MAP2: variants seen among roughly 807,000 people sequenced by gnomAD.
MAP2 encodes the protein microtubule-associated protein 2.
A neutral mutation model predicts 137.6 loss-of-function variants in MAP2; 14 were observed. The observed-to-expected ratio is 0.10, with a 90% CI of 0.07 to 0.16. The LOEUF (loss-of-function observed/expected upper bound fraction) is 0.16, where lower values mean the gene tolerates loss of function less well. Among genes scored for constraint, MAP2 ranks in the 10% least tolerant of loss-of-function variants. MAP2 has a pLI of 1.00. For synonymous variants in MAP2, 786 were observed against 782.3 expected (o/e 1.00, Z -0.08); for missense variants, 2,088 against 2,191.5 (o/e 0.95, Z 0.94).
intron 7 of MAP2, among the ~76,000 whole-genome samples, chr2:209,686,781 T>A (rs1190516715): frequency 6.6e-6 from 1 of 152,110 alleles, no homozygotes. Context: ...AGCATTTCAA[T>A]AAGAAATATG....
chr2:209,568,220 A>C (rs1042866472), intron 2 of MAP2, among the ~76,000 whole-genome samples: 3 of 152,000 alleles, frequency 2.0e-5, no homozygotes, highest in Non-Finnish European at 4.4e-5. Flanking sequence ...ACCCTAGGGT[A>C]CACTGTCCCC....
At chr2:209,553,344 A>G (rs2069681342) in intron 2 of MAP2, among the ~76,000 whole-genome samples, 1 of 152,164 alleles carries the variant, frequency 6.6e-6, no homozygotes, top group Non-Finnish European at 1.5e-5. Context: ...GCAGTATGGT[A>G]CAGCGAGAAG....
intron 5 of MAP2, chr2:209,661,608 C>G (rs772997325): frequency 1.5e-4 from 145 of 985,300 alleles, no homozygotes; most frequent in Non-Finnish European, 1.7e-4. Context: ...TGTTTTCCTT[C>G]TAAAGGTTAG....
chr2:209,599,083 A>G (rs377467593), intron 3 of MAP2, among the ~76,000 whole-genome samples: 2 of 152,014 alleles, frequency 1.3e-5, no homozygotes, highest in East Asian at 1.9e-4. Context: ...AAGTGTTCCT[A>G]TTTCTCCACA....
At chr2:209,613,233 C>T (rs1371415169) in intron 3 of MAP2, among the ~76,000 whole-genome samples, 3 of 148,580 alleles carry the variant, frequency 2.0e-5, no homozygotes, top group South Asian at 2.1e-4. Flanking sequence ...AGTCTCTTAA[C>T]GTGTTTTTTA....
chr2:209,540,097 TAA>T (rs35280709), intron 2 of MAP2, among the ~76,000 whole-genome samples: 43 of 39,528 alleles, frequency 1.1e-3, no homozygotes, highest in African/African-American at 3.2e-3. Context: ...GGAGACGTTG[TAA>T]AAAAAAAAAA....
chr2:209,553,905 G>C (rs1456627596), intron 2 of MAP2, among the ~76,000 whole-genome samples: 1 of 152,152 alleles, frequency 6.6e-6, no homozygotes, highest in East Asian at 1.9e-4. Flanking sequence ...GCGGATTTCT[G>C]TATGTAAATA....
At chr2:209,681,977 A>G (rs1181753395) in intron 7 of MAP2, among the ~76,000 whole-genome samples, 2 of 152,148 alleles carry the variant, frequency 1.3e-5, no homozygotes, top group East Asian at 3.8e-4. Flanking sequence ...GAAATAATAA[A>G]CAAACTAAAT....
Position 209,625,106 on chromosome 2 carries a change from A to G in MAP2, c.-53A>G, listed in dbSNP as rs950045505. 1.3e-5 allele frequency: 2 copies of G among 152,198 alleles called. No individual in the cohort carries two copies. Among genetic ancestry groups the G allele is most frequent in the African/African-American group, 2.4e-5 (1 of 41,454 alleles). The allele number at this position is 152,198 out of a possible 1,614,324, so 9.4% of individuals were successfully genotyped here. ...TTGAGAACACGACACAACGAACTTTATATTTTACCACTTCCTTGAATAGGT... is the reference window on the plus strand; with the variant it reads ...TTGAGAACACGACACAACGAACTTTGTATTTTACCACTTCCTTGAATAGGT... On this transcript the variant is annotated 5_prime_UTR_variant, in exon 4 of 16. Transcript: ENST00000682079.
At chr2:209,460,157 C>CTG (rs1320225874) in intron 1 of MAP2, among the ~76,000 whole-genome samples, 6 of 152,096 alleles carry the variant, frequency 3.9e-5, no homozygotes, top group Non-Finnish European at 8.8e-5. Context: ...TGATATTTCA[C>CTG]TGTGTGTGTG....
At chr2:209,661,869 G>C (rs915010628) in intron 5 of MAP2, among the ~76,000 whole-genome samples, 57 of 152,180 alleles carry the variant, frequency 3.7e-4, no homozygotes, top group Admixed American at 6.5e-5. Flanking sequence ...ATATGAGGTT[G>C]TATATAGCAG....
chr2:209,617,750 G>A (rs1004284350), intron 3 of MAP2, among the ~76,000 whole-genome samples: 1 of 151,904 alleles, frequency 6.6e-6, no homozygotes, highest in African/African-American at 2.4e-5. Context: ...AATCACGTTA[G>A]CAGTAAGGAC....
intron 2 of MAP2, among the ~76,000 whole-genome samples, chr2:209,575,937 G>A (rs2075305910): frequency 6.6e-6 from 1 of 152,170 alleles, no homozygotes; most frequent in South Asian, 2.1e-4. Flanking sequence ...AGTTAGGAAA[G>A]CCCTGGTTGG....
At chr2:209,562,956 T>C (rs1018632214) in intron 2 of MAP2, among the ~76,000 whole-genome samples, 1 of 152,216 alleles carries the variant, frequency 6.6e-6, no homozygotes, top group Non-Finnish European at 1.5e-5. Context: ...AGAAATACAT[T>C]ACCAGAACTG....
intron 4 of MAP2, among the ~76,000 whole-genome samples, chr2:209,625,709 C>T (rs1230548677): frequency 6.6e-6 from 1 of 152,082 alleles, no homozygotes; most frequent in Non-Finnish European, 1.5e-5. Context: ...GACTTTCCTA[C>T]ATTTTGAGTA....
At chr2:209,668,692 G>A (rs3768830) in intron 5 of MAP2, among the ~76,000 whole-genome samples, 6 of 151,898 alleles carry the variant, frequency 4.0e-5, no homozygotes, top group East Asian at 1.9e-4. Flanking sequence ...ATTTTGCTAC[G>A]TACAGGTCTG....
At chr2:209,599,472 C>T (rs2082348631) in intron 3 of MAP2, among the ~76,000 whole-genome samples, 1 of 152,160 alleles carries the variant, frequency 6.6e-6, no homozygotes, top group Non-Finnish European at 1.5e-5. Flanking sequence ...TTTGCACCTT[C>T]TCCTTTTAAT....
chr2:209,479,387 A>G (rs1243057161), intron 1 of MAP2, among the ~76,000 whole-genome samples: 1 of 152,126 alleles, frequency 6.6e-6, no homozygotes, highest in Non-Finnish European at 1.5e-5. Flanking sequence ...CATTTACATT[A>G]GTCTATTAAT....
In MAP2 at chr2:209,694,756, T is replaced by G. The variant is rs1291566081; in HGVS notation, c.2586T>G (p.Ser862Arg). Residue 862 changes from serine (S) to arginine (R), a missense_variant, in exon 8 of 16, where the codon AGT (serine) becomes AGG (arginine). Physicochemically the swap from Ser to Arg is moderately radical, Grantham distance 110 (BLOSUM62 -1). Coordinates refer to ENST00000682079, the MANE Select transcript of MAP2 (RefSeq NM_001375505.1). ...ACCATGTCATTGTAAAAACGGACAG[T>G]CAGCTCGAAGACCTGGGCTACTGTG... ...DENHVIVKTD[S>R]QLEDLGYCVF... is the part of the protein sequence containing the mutation. 25 of 1,614,042 alleles carry G rather than the reference T, an allele frequency of 1.5e-5. No homozygotes were observed. The highest frequency in any genetic ancestry group is 2.1e-5 in the Non-Finnish European group (25 of 1,180,032).
Sources: allele counts gnomAD v4.1 joint callset (sites outside exome capture counted in the v4.1 genomes callset), GRCh38; gene constraint gnomAD v4.1.1; transcripts MANE v1.5; gene names NCBI Gene and HGNC (gene_info 2026-07-23, HGNC 2026-07-21).